The following KCNMB2 variants were observed in gnomAD, a reference collection of about 807,000 sequenced individuals.
KCNMB2 encodes potassium calcium-activated channel subfamily M regulatory beta subunit 2.
A neutral mutation model predicts 24.5 loss-of-function variants in KCNMB2; 9 were observed. That is an observed-to-expected ratio of 0.37 (90% confidence interval 0.22 to 0.64). The LOEUF is 0.64. Ranked by LOEUF, KCNMB2 falls within the 30% of genes least tolerant of loss-of-function variation. The pLI is 0.63. For synonymous variants in KCNMB2, 109 were observed against 104.4 expected (o/e 1.04, Z -0.27); for missense variants, 226 against 284.3 (o/e 0.79, Z 1.47).
At chr3:178,570,957 T>C (rs1258037852) in intron 1 of KCNMB2, among the ~76,000 whole-genome samples, 2 of 152,288 alleles carry the variant, frequency 1.3e-5, no homozygotes, top group Non-Finnish European at 2.9e-5. Flanking sequence ...CACTTTGGGA[T>C]TGGGAAACTG....
chr3:178,590,378 G>GA (rs1250373387), intron 1 of KCNMB2, among the ~76,000 whole-genome samples: 2 of 151,224 alleles, frequency 1.3e-5, no homozygotes, highest in African/African-American at 2.4e-5. Flanking sequence ...GGATTTAGAG[G>GA]AAAAAAAAGA....
chr3:178,588,484 C>G (rs1030360172), intron 1 of KCNMB2, among the ~76,000 whole-genome samples: 1 of 152,100 alleles, frequency 6.6e-6, no homozygotes. Flanking sequence ...ATATATTCCT[C>G]TACAGAAGCA....
chr3:178,833,122 G>A (rs1715103402), intron 4 of KCNMB2, among the ~76,000 whole-genome samples: 1 of 152,112 alleles, frequency 6.6e-6, no homozygotes, highest in African/African-American at 2.4e-5. Context: ...CATAAACTGT[G>A]ATATTCAAAT....
intron 1 of KCNMB2, among the ~76,000 whole-genome samples, chr3:178,564,451 A>G (rs1262642617): frequency 6.6e-6 from 1 of 152,194 alleles, no homozygotes; most frequent in Non-Finnish European, 1.5e-5. Flanking sequence ...TCCAACTGGA[A>G]AAATTGAGAG....
intron 1 of KCNMB2, among the ~76,000 whole-genome samples, chr3:178,766,516 G>C (rs1221072111): frequency 6.6e-6 from 1 of 152,104 alleles, no homozygotes; most frequent in Non-Finnish European, 1.5e-5. Flanking sequence ...TCATACATGT[G>C]ATTTGGCAGT....
intron 1 of KCNMB2, among the ~76,000 whole-genome samples, chr3:178,724,682 A>C (rs1410111076): frequency 6.6e-6 from 1 of 152,154 alleles, no homozygotes; most frequent in African/African-American, 2.4e-5. Flanking sequence ...ATTTTTGCAT[A>C]TGGTGAGAGG....
At chr3:178,620,822 C>G (rs1366006782) in intron 1 of KCNMB2, among the ~76,000 whole-genome samples, 1 of 152,096 alleles carries the variant, frequency 6.6e-6, no homozygotes, top group Non-Finnish European at 1.5e-5. Context: ...CAGGACTTGC[C>G]AATGCTAAGA....
At chr3:178,746,704 C>T (rs1723681277) in intron 1 of KCNMB2, among the ~76,000 whole-genome samples, 1 of 152,184 alleles carries the variant, frequency 6.6e-6, no homozygotes, top group South Asian at 2.1e-4. Context: ...GAAACTTCTT[C>T]CACCAGATAA....
intron 1 of KCNMB2, among the ~76,000 whole-genome samples, chr3:178,730,485 C>G (rs562600361): frequency 2.0e-5 from 3 of 147,596 alleles, no homozygotes; most frequent in South Asian, 2.2e-4. Context: ...TAACTGATCT[C>G]TTTGTTTCCA....
chr3:178,822,341 C>A (rs929815226), intron 2 of KCNMB2, among the ~76,000 whole-genome samples: 4 of 152,226 alleles, frequency 2.6e-5, no homozygotes, highest in Admixed American at 2.0e-4. Context: ...CTAAATTCAA[C>A]CCTGGCTCTC....
intron 1 of KCNMB2, among the ~76,000 whole-genome samples, chr3:178,659,452 CT>C (rs1720451427): frequency 1.3e-5 from 2 of 152,200 alleles, no homozygotes; most frequent in Admixed American, 1.3e-4. Context: ...TATTAGTCAA[CT>C]TTGATGTCAA....
Position 178,632,347 on chromosome 3 carries a change from T to C in KCNMB2, c.-68+95636T>C, listed in dbSNP as rs150327022. The stretch of plus-strand genomic sequence containing the variant: ...TCCATTCTCACACTGCTAATAAAGA[T>C]ATACCTGACACTGGATAATTTGTAA... On this transcript the variant is annotated intron_variant, in intron 1 of 4. Transcript: ENST00000452583. Among the ~76,000 whole-genome samples the C allele has an allele frequency of 7.2e-3, 1,091 of 152,326 alleles. 13 individuals are homozygous for C. The highest frequency in any genetic ancestry group is 0.025 in the African/African-American group (1,057 of 41,560).
chr3:178,750,596 G>A (rs527490020), intron 1 of KCNMB2, among the ~76,000 whole-genome samples: 2 of 152,148 alleles, frequency 1.3e-5, no homozygotes, highest in African/African-American at 4.8e-5. Context: ...GGTAGAAGGA[G>A]TCACTTTGTC....
At chr3:178,679,677 A>C (rs1245040599) in intron 1 of KCNMB2, among the ~76,000 whole-genome samples, 1 of 152,130 alleles carries the variant, frequency 6.6e-6, no homozygotes, top group Non-Finnish European at 1.5e-5. Context: ...CTTTGGAAAC[A>C]AAGAGAAGTT....
chr3:178,551,163 G>A (rs991906881), intron 1 of KCNMB2, among the ~76,000 whole-genome samples: 21 of 152,210 alleles, frequency 1.4e-4, no homozygotes, highest in Admixed American at 1.3e-4. Context: ...CAAAGGGCCG[G>A]TGAGGATGAA....
At chr3:178,618,395 G>C (rs1033734695) in intron 1 of KCNMB2, among the ~76,000 whole-genome samples, 17 of 152,118 alleles carry the variant, frequency 1.1e-4, no homozygotes, top group African/African-American at 3.6e-4. Flanking sequence ...TCTGCCCACA[G>C]AGCCTGCGTG....
chr3:178,774,757 C>G (rs1024519610), intron 1 of KCNMB2, among the ~76,000 whole-genome samples: 1 of 152,198 alleles, frequency 6.6e-6, no homozygotes. Flanking sequence ...CCTTCTTTCC[C>G]CCTTTGTAAT....
At chr3:178,659,353 GTATTAAT>G (rs1272050281) in intron 1 of KCNMB2, among the ~76,000 whole-genome samples, 1 of 152,146 alleles carries the variant, frequency 6.6e-6, no homozygotes, top group African/African-American at 2.4e-5. Flanking sequence ...TTAAACTTTT[GTATTAAT>G]ATTGTGAAGC....
chr3:178,616,324 G>A (rs1718705096), intron 1 of KCNMB2, among the ~76,000 whole-genome samples: 1 of 152,220 alleles, frequency 6.6e-6, no homozygotes, highest in Non-Finnish European at 1.5e-5. Context: ...TCAGTGGCAA[G>A]GTTTTCAGGC....
Sources: gnomAD v4.1 joint callset for allele counts (sites outside exome capture counted in the v4.1 genomes callset) on GRCh38, gnomAD v4.1.1 for gene constraint, MANE v1.5 for transcripts, NCBI Gene and HGNC (gene_info 2026-07-23, HGNC 2026-07-21) for gene names.